RNF19A: variants seen among roughly 807,000 people sequenced by gnomAD.
RNF19A encodes ring finger protein 19A, RBR E3 ubiquitin protein ligase.
In RNF19A, 32 loss-of-function variants were observed where a neutral mutation model predicts 75.7. The ratio of observed to expected loss-of-function variants is 0.42; its 90% confidence interval spans 0.32 to 0.57. The LOEUF is 0.57. RNF19A is among the 20% of genes least tolerant of loss of function. The probability of loss-of-function intolerance (pLI) is 0.10; values close to 1 mark genes in which losing one functional copy is unlikely to be tolerated. For synonymous variants in RNF19A, 335 were observed against 345.2 expected (o/e 0.97, Z 0.33); for missense variants, 782 against 1,036.3 (o/e 0.75, Z 3.37).
intron 1 of RNF19A, among the ~76,000 whole-genome samples, chr8:100,290,915 C>T (rs764777063): frequency 6.6e-6 from 1 of 152,214 alleles, no homozygotes. Flanking sequence ...TTTGGCTCTC[C>T]GATATCCTGC....
At chr8:100,335,712 T>C (rs1232130539) in intron 1 of RNF19A, among the ~76,000 whole-genome samples, 1 of 152,170 alleles carries the variant, frequency 6.6e-6, no homozygotes, top group African/African-American at 2.4e-5. Context: ...GGGCTTTTTA[T>C]GGTTTGAAGA....
At chr8:100,288,786 C>A (rs888582726) in intron 1 of RNF19A, among the ~76,000 whole-genome samples, 4 of 152,124 alleles carry the variant, frequency 2.6e-5, no homozygotes, top group Non-Finnish European at 5.9e-5. Context: ...ATAGGCCAGG[C>A]GCGGTGGCTC....
chr8:100,316,945 GAAAT>G (rs1822389003), intron 1 of RNF19A, among the ~76,000 whole-genome samples: 3 of 152,354 alleles, frequency 2.0e-5, no homozygotes, highest in Admixed American at 2.0e-4. Flanking sequence ...GGGTCGGTGA[GAAAT>G]CGAGCGCAGC....
Position 100,281,336 on chromosome 8 carries a change from TTTTC to T in RNF19A, c.674+6161_674+6164del, listed in dbSNP as rs138215961. ...CCAAGTAAAATTAAAGTGGTTTTTGTTTTCTATTATAGGATTTGCTAAAACAATT... is the reference window on the plus strand; with the variant it reads ...CCAAGTAAAATTAAAGTGGTTTTTGTTATTATAGGATTTGCTAAAACAATT... On this transcript the variant is annotated intron_variant, in intron 2 of 9. Transcript: ENST00000341084. Among the ~76,000 whole-genome samples the T allele has an allele frequency of 9.8e-3, 1,494 of 152,332 alleles. 22 individuals carry two copies. Among genetic ancestry groups the T allele is most frequent in the African/African-American group, 0.034 (1,428 of 41,576 alleles).
chr8:100,295,867 CAGAG>C (rs979529428), intron 1 of RNF19A, among the ~76,000 whole-genome samples: 4 of 152,142 alleles, frequency 2.6e-5, no homozygotes, highest in African/African-American at 9.7e-5. Flanking sequence ...TTTCTCTTAA[CAGAG>C]AGAAATCACT....
Position 100,324,887 on chromosome 8 carries a change from TTCTC to T in RNF19A, c.-243+11217_-243+11220del, listed in dbSNP as rs10649423. On this transcript the variant is annotated intron_variant, in intron 1 of 3. Transcript: ENST00000519527. This position sits in a 1 kb window ranked among gnomAD's most constrained non-coding sequence, Gnocchi z 4.2. ...CTCTCTTTCTCTTTTTTTTCTTTCT[TTCTC>T]TCTCTCTCTTTCTCTCTTTCTTTCT... Among the ~76,000 whole-genome samples, 1 of 148,164 alleles carries T rather than the reference TTCTC, an allele frequency of 6.7e-6. No individual in the cohort carries two copies. The highest frequency in any genetic ancestry group is 2.5e-5 in the African/African-American group (1 of 39,488).
chr8:100,294,847 C>T (rs894051012), intron 1 of RNF19A, among the ~76,000 whole-genome samples: 10 of 152,084 alleles, frequency 6.6e-5, no homozygotes, highest in Admixed American at 2.0e-4. Context: ...TTTTTTAAAA[C>T]GATCCTTTAA....
At chr8:100,310,342 C>CGG (rs1271861772), upstream of RNF19A, 1 of 722,626 alleles carries the variant, frequency 1.4e-6, no homozygotes, top group African/African-American at 1.9e-5. Flanking sequence ...CTGTCCCTGG[C>CGG]GGAGGGGACT....
chr8:100,258,504 C>G lies in RNF19A; in HGVS notation c.*52G>C. The G allele has an allele frequency of 6.9e-7, 1 of 1,454,284 alleles. No homozygotes were observed. The highest frequency in any genetic ancestry group is 9.4e-7 in the Non-Finnish European group (1 of 1,068,112). The allele number at this position is 1,454,284 out of a possible 1,614,324, so 90.1% of individuals were successfully genotyped here. ...ACTTAAGTAGTCACATGTAGTTCAA[C>G]CAGCTCCAAACACGGTTGTACAGTG... On this transcript the variant is annotated 3_prime_UTR_variant, in exon 10 of 10. Coordinates refer to ENST00000341084, the MANE Select transcript of RNF19A (RefSeq NM_183419.4). The surrounding 1 kb of genome is among the most constrained non-coding windows in gnomAD (Gnocchi z 4.3).
chr8:100,277,468 C>T (rs1278178337), intron 2 of RNF19A, among the ~76,000 whole-genome samples: 3 of 152,212 alleles, frequency 2.0e-5, no homozygotes, highest in African/African-American at 2.4e-5. Flanking sequence ...CCCACTACCA[C>T]GCCCAGCTAA....
Position 100,325,794 on chromosome 8 carries a change from T to TA in RNF19A, c.-243+10313dup. Among the ~76,000 whole-genome samples, 1 of 152,290 alleles carries TA rather than the reference T, an allele frequency of 6.6e-6. No homozygotes were observed. Among genetic ancestry groups the TA allele is most frequent in the South Asian group, 2.1e-4 (1 of 4,830 alleles). On this transcript the variant is annotated intron_variant, in intron 1 of 3. Transcript: ENST00000519527. The surrounding 1 kb of genome is among the most constrained non-coding windows in gnomAD (Gnocchi z 4.3). ...ACACACACACACACATTTATATCCA[T>TA]AAAATCTAAGCTCATAATTTCAATA...
At position 100,330,308 on chromosome 8, in the gene RNF19A, T is replaced by C. The variant is rs1432045622; in HGVS notation, c.-243+5800A>G. 6.6e-6 allele frequency among the ~76,000 whole-genome samples: 1 copy of C among 152,176 alleles called. No homozygotes were observed. The highest frequency in any genetic ancestry group is 2.4e-5 in the African/African-American group (1 of 41,446). On this transcript the variant is annotated intron_variant, in intron 1 of 3. Transcript: ENST00000519527. This position sits in a 1 kb window ranked among gnomAD's most constrained non-coding sequence, Gnocchi z 4.1. ...TGTTATTATTTTTATTATTTTCAACTGTTCAGCATCTTTGTGTTTGGAAAC... is the reference window on the plus strand; with the variant it reads ...TGTTATTATTTTTATTATTTTCAACCGTTCAGCATCTTTGTGTTTGGAAAC...
chr8:100,286,603 CTT>C (rs1821031524), intron 2 of RNF19A, among the ~76,000 whole-genome samples: 1 of 152,096 alleles, frequency 6.6e-6, no homozygotes, highest in Non-Finnish European at 1.5e-5. Context: ...ACTCAAGAAA[CTT>C]TTAAATAGTG....
At chr8:100,309,439 C>G (rs1822200712) in intron 1 of RNF19A, 1 of 985,400 alleles carries the variant, frequency 1.0e-6, no homozygotes, top group Non-Finnish European at 1.2e-6. Context: ...GTTCCGCCCC[C>G]GCCGCCTCCC....
At chr8:100,298,497 A>C (rs1231652715) in intron 1 of RNF19A, among the ~76,000 whole-genome samples, 3 of 152,202 alleles carry the variant, frequency 2.0e-5, no homozygotes, top group African/African-American at 7.2e-5. Flanking sequence ...GTTCTTTAGA[A>C]AGTAAATGCT....
At chr8:100,310,258 T>C (rs1822252964), upstream of RNF19A, 1 of 984,700 alleles carries the variant, frequency 1.0e-6, no homozygotes, top group Non-Finnish European at 1.2e-6. Flanking sequence ...GCTGTTCCCT[T>C]GCGCACGTTC....
intron 1 of RNF19A, chr8:100,309,152 G>C (rs1822184425): frequency 4.5e-6 from 1 of 220,758 alleles, no homozygotes; most frequent in Admixed American, 6.5e-5. Flanking sequence ...CTTGCCGGGC[G>C]AGGGCTGGGA....
chr8:100,272,011 T>C (rs186004893), intron 3 of RNF19A, among the ~76,000 whole-genome samples: 18 of 152,290 alleles, frequency 1.2e-4, no homozygotes, highest in Admixed American at 1.2e-3. Flanking sequence ...TGGGCCATTG[T>C]CATATTAAGA....
In RNF19A at chr8:100,259,268, T is replaced by C. The variant is rs753547792; in HGVS notation, c.1827-22A>G. On this transcript the variant is annotated intron_variant, in intron 9 of 9. Coordinates refer to ENST00000341084, the MANE Select transcript of RNF19A (RefSeq NM_183419.4). This position sits in a 1 kb window ranked among gnomAD's most constrained non-coding sequence, Gnocchi z 4.5. Reference sequence around the variant, plus strand: ...TTCTCTGAAATATAAGAGTAACAAATACAAACATAATTGCTGACTTCTTTT... The same window carrying C: ...TTCTCTGAAATATAAGAGTAACAAACACAAACATAATTGCTGACTTCTTTT... 2 of 1,569,558 alleles carry C rather than the reference T, an allele frequency of 1.3e-6. No homozygotes were observed. Among genetic ancestry groups the C allele is most frequent in the Non-Finnish European group, 8.7e-7 (1 of 1,154,614 alleles).
Sources: allele counts gnomAD v4.1 joint callset (sites outside exome capture counted in the v4.1 genomes callset), GRCh38; gene constraint gnomAD v4.1.1; non-coding constraint Gnocchi (gnomAD v3.1); transcripts MANE v1.5; gene names NCBI Gene and HGNC (gene_info 2026-07-23, HGNC 2026-07-21).